HDAC4: variants seen among roughly 807,000 people sequenced by gnomAD.
HDAC4 encodes histone deacetylase 4, also known as histone deacetylase A.
In HDAC4, 16 loss-of-function variants were observed where a neutral mutation model predicts 135.1. The ratio of observed to expected loss-of-function variants is 0.12; its 90% confidence interval spans 0.08 to 0.18. The LOEUF (loss-of-function observed/expected upper bound fraction) is 0.18. HDAC4 is among the 10% of genes least tolerant of loss of function. The pLI is 1.00. For synonymous variants in HDAC4, 685 were observed against 653.4 expected, an observed-to-expected ratio of 1.05 and a Z score of -0.74; for missense variants, 1,143 against 1,511.8, an observed-to-expected ratio of 0.76 and a Z score of 4.05.
intron 3 of HDAC4, among the ~76,000 whole-genome samples, chr2:239,230,368 C>CAAAAAAAAAAAAAAAAAAAAAAAAAAA (rs56105562): frequency 1.0e-4 from 8 of 79,358 alleles, no homozygotes; most frequent in East Asian, 7.1e-4. Flanking sequence ...AGCAAGCAAG[C>CAAAAAAAAAAAAAAAAAAAAAAAAAAA]AAAAAAAAAA....
At chr2:239,390,591 A>C (rs1696132903) in intron 1 of HDAC4, among the ~76,000 whole-genome samples, 1 of 151,846 alleles carries the variant, frequency 6.6e-6, no homozygotes, top group African/African-American at 2.4e-5. Flanking sequence ...ACCCCCAAAA[A>C]TCCCCTTAGA....
At position 239,068,543 on chromosome 2, in the gene HDAC4, C is replaced by T; in HGVS notation, c.2815G>A (p.Asp939Asn). The change falls in exon 23 of 27, where the codon GAT (aspartate) becomes AAT (asparagine). Residue 939 changes from aspartate (D) to asparagine (N), a missense_variant. Coordinates refer to ENST00000543185, the MANE Select transcript of HDAC4 (RefSeq NM_001378414.1). This position sits in a 1 kb window ranked among gnomAD's most constrained non-coding sequence, Gnocchi z 4.4. ...GGGGTGGGGTGGCCCTCCACGGCAT[C>T]GAAGCCTGATGACACCAGCACCACA... ...PDVVLVSSGF[D>N]AVEGHPTPLG... 6.2e-7 allele frequency: 1 copy of T among 1,614,070 alleles called. No individual in the cohort carries two copies. Among genetic ancestry groups the T allele is most frequent in the Non-Finnish European group, 8.5e-7 (1 of 1,180,030 alleles).
At position 239,064,389 on chromosome 2, in the gene HDAC4, C is replaced by T. The variant is rs150212575; in HGVS notation, c.3003+2333G>A. ...TGCCCTGTGCTGCTCCCACTTCTGG[C>T]GCAGGGGGAGACCCCTGACTGGAGT... On this transcript the variant is annotated intron_variant, in intron 24 of 26. Transcript: ENST00000543185. Among the ~76,000 whole-genome samples the T allele has an allele frequency of 7.7e-3, 1,180 of 152,292 alleles. 14 individuals are homozygous for T. The highest frequency in any genetic ancestry group is 0.012 in the South Asian group (59 of 4,820).
At chr2:239,379,267 G>A (rs1161879407) in intron 1 of HDAC4, among the ~76,000 whole-genome samples, 2 of 152,160 alleles carry the variant, frequency 1.3e-5, no homozygotes, top group Non-Finnish European at 2.9e-5. Flanking sequence ...ACCCAGGAAG[G>A]TGGGTCCCTG....
intron 2 of HDAC4, among the ~76,000 whole-genome samples, chr2:239,291,459 A>G (rs2125506905): frequency 6.6e-6 from 1 of 152,326 alleles, no homozygotes; most frequent in Non-Finnish European, 1.5e-5. Flanking sequence ...GAAGAGCTGC[A>G]GTGGGATTTT....
At chr2:239,162,932 C>T (rs557388659) in intron 6 of HDAC4, among the ~76,000 whole-genome samples, 23 of 152,194 alleles carry the variant, frequency 1.5e-4, no homozygotes, top group Middle Eastern at 3.4e-3. Flanking sequence ...ACTGATATTT[C>T]GATTTACAAA....
intron 3 of HDAC4, among the ~76,000 whole-genome samples, chr2:239,216,695 C>T (rs1366030222): frequency 6.6e-6 from 1 of 152,194 alleles, no homozygotes; most frequent in Non-Finnish European, 1.5e-5. Context: ...TTCACTCTGC[C>T]CTGCTGCACT....
chr2:239,396,233 C>A (rs1010074470), intron 1 of HDAC4, among the ~76,000 whole-genome samples: 2 of 151,722 alleles, frequency 1.3e-5, no homozygotes, highest in Non-Finnish European at 2.9e-5. Flanking sequence ...ACCTTGGCCT[C>A]CCAAAGTTCT....
intron 2 of HDAC4, among the ~76,000 whole-genome samples, chr2:239,344,482 CATA>C (rs1692490769): frequency 2.0e-5 from 3 of 152,026 alleles, no homozygotes; most frequent in South Asian, 4.1e-4. Context: ...CTGAGCTCTT[CATA>C]ATGACTGAGT....
intron 11 of HDAC4, among the ~76,000 whole-genome samples, chr2:239,127,348 A>G (rs547359851): frequency 1.9e-4 from 29 of 152,338 alleles, no homozygotes; most frequent in Admixed American, 2.0e-4. Context: ...TGTTTTGATT[A>G]AAAGAATCCA....
chr2:239,280,182 A>G (rs2125347731), intron 2 of HDAC4, among the ~76,000 whole-genome samples: 1 of 152,184 alleles, frequency 6.6e-6, no homozygotes, highest in East Asian at 1.9e-4. Flanking sequence ...AAGAAAAAAA[A>G]AGGCATCTGG....
At chr2:239,388,746 A>C (rs1575797958) in intron 1 of HDAC4, among the ~76,000 whole-genome samples, 1 of 150,840 alleles carries the variant, frequency 6.6e-6, no homozygotes, top group Non-Finnish European at 1.5e-5. Flanking sequence ...CCCACTCCCC[A>C]CTCTAAGGGC....
intron 13 of HDAC4, among the ~76,000 whole-genome samples, chr2:239,112,631 G>A (rs2038779635): frequency 6.6e-6 from 1 of 152,170 alleles, no homozygotes; most frequent in Non-Finnish European, 1.5e-5. Flanking sequence ...ACCCCCATAC[G>A]AGGCAGAGTG....
At chr2:239,389,175 G>T (rs760415595) in intron 1 of HDAC4, among the ~76,000 whole-genome samples, 21 of 152,216 alleles carry the variant, frequency 1.4e-4, no homozygotes, top group Admixed American at 2.6e-4. Context: ...TCAGCACTCT[G>T]TAAAATGGAC....
intron 22 of HDAC4, among the ~76,000 whole-genome samples, chr2:239,079,962 A>C (rs575185859): frequency 6.7e-6 from 1 of 148,614 alleles, no homozygotes; most frequent in South Asian, 2.1e-4. Flanking sequence ...TGTGTAACAC[A>C]CATAGGCATG....
chr2:239,217,011 C>A (rs911485064), intron 3 of HDAC4, among the ~76,000 whole-genome samples: 1 of 152,204 alleles, frequency 6.6e-6, no homozygotes. Flanking sequence ...AGTGTAACCC[C>A]AAACCCCGAG....
At chr2:239,053,345 G>A in intron 26 of HDAC4, 115 bp downstream of exon 26, 8 of 1,437,968 alleles carry the variant, frequency 5.6e-6, no homozygotes, top group Non-Finnish European at 7.6e-6. Flanking sequence ...ACACTGGCCT[G>A]TCTCTAGTCT....
chr2:239,178,796 T>G (rs2043942894), intron 4 of HDAC4, among the ~76,000 whole-genome samples: 1 of 152,172 alleles, frequency 6.6e-6, no homozygotes, highest in South Asian at 2.1e-4. Flanking sequence ...AGGAACTTTC[T>G]GTGGAGGAAA....
At chr2:239,374,966 C>T (rs889192119) in intron 1 of HDAC4, among the ~76,000 whole-genome samples, 4 of 152,160 alleles carry the variant, frequency 2.6e-5, no homozygotes, top group Non-Finnish European at 4.4e-5. Context: ...CTAAGGCTCA[C>T]GGCCTGAAGA....
Sources: allele counts gnomAD v4.1 joint callset (sites outside exome capture counted in the v4.1 genomes callset), GRCh38; gene constraint gnomAD v4.1.1; non-coding constraint Gnocchi (gnomAD v3.1); transcripts MANE v1.5; gene names NCBI Gene and HGNC (gene_info 2026-07-23, HGNC 2026-07-21).